Variants in VWA8 observed in about 807,000 individuals in gnomAD.
The protein encoded by VWA8 is von Willebrand factor A domain-containing protein 8.
In VWA8, 221 loss-of-function variants were observed where a neutral mutation model predicts 241.5. The ratio of observed to expected loss-of-function variants is 0.91; its 90% CI spans 0.82 to 1.02. VWA8 has a LOEUF of 1.02. VWA8 is among the 50% of genes least tolerant of loss of function. The pLI is 0.00. For synonymous variants in VWA8, 852 were observed against 827.1 expected, an observed-to-expected ratio of 1.03 and a Z score of -0.52; for missense variants, 2,322 against 2,328.7, an observed-to-expected ratio of 1.00 and a Z score of 0.06.
In VWA8 at chr13:41,669,868, T is replaced by G. The variant is rs557407926; in HGVS notation, c.4611+1078A>C. Among the ~76,000 whole-genome samples the G allele has an allele frequency of 3.9e-5, 6 of 152,324 alleles. No homozygotes were observed. The East Asian group carries it at 1.2e-3, about 29-fold the overall frequency. ...TCAGTCTGTTGCTGTAATCAGTCCA[T>G]GGCACTTACTTAATCACATGTTTAT... is the stretch of plus-strand genomic sequence containing the variant. On this transcript the variant is annotated intron_variant, in intron 37 of 44. Transcript: ENST00000379310.
In VWA8 at chr13:41,717,745, G is replaced by T. The variant is rs1012667676; in HGVS notation, c.3116+1846C>A. Among the ~76,000 whole-genome samples, 3 of 152,042 alleles carry T rather than the reference G, an allele frequency of 2.0e-5. No individual in the cohort carries two copies. In the East Asian group the frequency reaches 5.8e-4, roughly 29 times the overall value. On this transcript the variant is annotated intron_variant, in intron 26 of 44. Transcript: ENST00000379310. ...GCAATTAACAGATGAGGAAAAAATTGCTCTGAATGACTGTGGAAATTATAG... is the reference window on the plus strand; with the variant it reads ...GCAATTAACAGATGAGGAAAAAATTTCTCTGAATGACTGTGGAAATTATAG...
chr13:41,748,435 G>A (rs1490812688), intron 21 of VWA8, among the ~76,000 whole-genome samples: 1 of 152,010 alleles, frequency 6.6e-6, no homozygotes, highest in African/African-American at 2.4e-5. Flanking sequence ...CTGTGGGATT[G>A]GTGGCGATAT....
At chr13:41,823,803 T>C (rs752034083) in intron 14 of VWA8, among the ~76,000 whole-genome samples, 1 of 152,136 alleles carries the variant, frequency 6.6e-6, no homozygotes, top group African/African-American at 2.4e-5. Context: ...TCGAGATGTA[T>C]AGTCTTGGTG....
At chr13:41,723,804 G>C (rs1239960487) in intron 24 of VWA8, among the ~76,000 whole-genome samples, 1 of 152,144 alleles carries the variant, frequency 6.6e-6, no homozygotes, top group Non-Finnish European at 1.5e-5. Flanking sequence ...ATATGAGTGT[G>C]AAGTTCAGGA....
chr13:41,926,670 A>G, intron 2 of VWA8: 1 of 542,292 alleles, frequency 1.8e-6, no homozygotes, highest in Admixed American at 1.9e-5. Flanking sequence ...ATGGTAAAGC[A>G]TATTACAGGC....
intron 17 of VWA8, among the ~76,000 whole-genome samples, chr13:41,794,160 C>G (rs1869582919): frequency 6.6e-6 from 1 of 151,746 alleles, no homozygotes; most frequent in African/African-American, 2.4e-5. Flanking sequence ...ATAGTTTTTC[C>G]TAATTCTGTG....
At chr13:41,948,015 C>A (rs1425938160) in intron 2 of VWA8, among the ~76,000 whole-genome samples, 2 of 146,978 alleles carry the variant, frequency 1.4e-5, no homozygotes, top group Non-Finnish European at 1.5e-5. Flanking sequence ...TGTGACCTAG[C>A]AATTTATCTT....
Position 41,912,109 on chromosome 13 carries a change from G to A in VWA8, c.301C>T (p.Leu101Phe), listed in dbSNP as rs895292913. ...ATTAGAAAAACATCTTGCCCCAAAA[G>A]ATCCTTCTGCATTATCCATCTTAGA... is the stretch of plus-strand genomic sequence containing the variant. The part of the protein sequence containing the change: ...QHLRWIMQKD[L>F]LGQDVFLIGP... The change falls in exon 3 of 45, where the codon CTT (leucine) becomes TTT (phenylalanine). Residue 101 changes from leucine (L) to phenylalanine (F), a missense_variant. Leu to Phe is a conservative substitution (Grantham distance 22). Coordinates refer to ENST00000379310, the MANE Select transcript of VWA8 (RefSeq NM_015058.2). The A allele has an allele frequency of 4.3e-6, 7 of 1,610,190 alleles. No individual in the cohort carries two copies. Among genetic ancestry groups the A allele is most frequent in the Non-Finnish European group, 5.9e-6 (7 of 1,177,576 alleles).
At chr13:41,784,679 T>A (rs1566456123) in intron 18 of VWA8, among the ~76,000 whole-genome samples, 3 of 93,522 alleles carry the variant, frequency 3.2e-5, no homozygotes, top group African/African-American at 3.6e-5. Flanking sequence ...TCTCTCTCTC[T>A]TTATACATAT....
intron 37 of VWA8, among the ~76,000 whole-genome samples, chr13:41,620,961 A>G (rs944754429): frequency 1.3e-5 from 2 of 152,150 alleles, no homozygotes; most frequent in African/African-American, 4.8e-5. Context: ...GCTGTGACTG[A>G]TTCAATGATT....
chr13:41,909,349 C>T (rs771187392), intron 3 of VWA8, among the ~76,000 whole-genome samples: 8 of 152,116 alleles, frequency 5.3e-5, no homozygotes, highest in Non-Finnish European at 7.4e-5. Context: ...CATGAGCCAC[C>T]GCACCCAGTC....
rs556655523 is a variant in VWA8, at chr13:41,945,573, A to C, written c.241+4363T>G. On this transcript the variant is annotated intron_variant, in intron 2 of 44. Coordinates refer to ENST00000379310, the MANE Select transcript of VWA8 (RefSeq NM_015058.2). ...CGTCTCATGAAACAGAGTACCAATA[A>C]AGAGAAATTATAAAACAAGATCCAA... Among the ~76,000 whole-genome samples the C allele has an allele frequency of 3.3e-5, 5 of 152,304 alleles. No homozygotes were observed. The South Asian group carries it at 1.0e-3, about 32-fold the overall frequency.
chr13:41,581,568 A>C (rs1371765441), intron 42 of VWA8, among the ~76,000 whole-genome samples: 1 of 152,224 alleles, frequency 6.6e-6, no homozygotes, highest in African/African-American at 2.4e-5. Flanking sequence ...AATGGGGCAC[A>C]AAGTGCTGCC....
chr13:41,868,605 C>T, intron 9 of VWA8, 128 bp from the exon 10 acceptor site: 1 of 1,199,236 alleles, frequency 8.3e-7, no homozygotes, highest in Non-Finnish European at 1.1e-6. Flanking sequence ...AGAGGTTAGG[C>T]CAAGGGCGGT....
chr13:41,615,798 C>T (rs1336843242), intron 37 of VWA8, among the ~76,000 whole-genome samples: 4 of 152,206 alleles, frequency 2.6e-5, no homozygotes, highest in Non-Finnish European at 5.9e-5. Flanking sequence ...TCATTCAGTA[C>T]AGTGTCACCA....
At chr13:41,767,536 C>T (rs965859567) in intron 20 of VWA8, among the ~76,000 whole-genome samples, 1 of 152,128 alleles carries the variant, frequency 6.6e-6, no homozygotes, top group African/African-American at 2.4e-5. Context: ...TCTCTCAATA[C>T]ATATACATTA....
At chr13:41,708,270 A>C (rs1220302911) in intron 26 of VWA8, among the ~76,000 whole-genome samples, 1 of 152,094 alleles carries the variant, frequency 6.6e-6, no homozygotes, top group African/African-American at 2.4e-5. Flanking sequence ...CTGAGGCAGG[A>C]GAATTGCTTG....
At chr13:41,642,175 G>C (rs897692562) in intron 37 of VWA8, among the ~76,000 whole-genome samples, 1 of 152,126 alleles carries the variant, frequency 6.6e-6, no homozygotes, top group Non-Finnish European at 1.5e-5. Context: ...CAATCACCAA[G>C]GGCAACAGTG....
chr13:41,734,544 C>T (rs113388504), intron 21 of VWA8, among the ~76,000 whole-genome samples: 2,208 of 152,254 alleles, frequency 0.015, 47 homozygotes, highest in African/African-American at 0.049. Context: ...TGAACAGGTA[C>T]GCTGGCAATA....
Sources: gnomAD v4.1 joint callset for allele counts (sites outside exome capture counted in the v4.1 genomes callset) on GRCh38, gnomAD v4.1.1 for gene constraint, MANE v1.5 for transcripts, NCBI Gene and HGNC (gene_info 2026-07-23, HGNC 2026-07-21) for gene names.